RERE: variants seen among roughly 807,000 people sequenced by gnomAD.
RERE encodes the protein arginine-glutamic acid dipeptide repeats protein.
In RERE, 40 loss-of-function variants were observed where a neutral mutation model predicts 146.1. The observed-to-expected ratio is 0.27, with a 90% CI of 0.21 to 0.36. The LOEUF is 0.36. Ranked by LOEUF, RERE falls within the 10% of genes least tolerant of loss-of-function variation. The pLI, the probability that RERE is intolerant of heterozygous loss-of-function variation, is 1.00. For synonymous variants in RERE, 1,003 were observed against 866.0 expected (o/e 1.16, Z -2.78); for missense variants, 1,933 against 2,138.7 (o/e 0.90, Z 1.90).
At chr1:8,704,674 T>C (rs1225753037) in intron 1 of RERE, among the ~76,000 whole-genome samples, 1 of 152,234 alleles carries the variant, frequency 6.6e-6, no homozygotes, top group East Asian at 1.9e-4. Context: ...CAAACAGACA[T>C]GCACATGCAT....
intron 10 of RERE, among the ~76,000 whole-genome samples, chr1:8,482,275 C>T (rs1357638823): frequency 6.6e-6 from 1 of 152,154 alleles, no homozygotes; most frequent in Non-Finnish European, 1.5e-5. Context: ...AATGCTCTCT[C>T]TCATGTTTAG....
At chr1:8,478,284 G>T (rs1337098371) in intron 10 of RERE, among the ~76,000 whole-genome samples, 1 of 152,142 alleles carries the variant, frequency 6.6e-6, no homozygotes, top group Non-Finnish European at 1.5e-5. Context: ...ATCACTCAGA[G>T]GCATCGAGTA....
intron 11 of RERE, among the ~76,000 whole-genome samples, chr1:8,433,872 A>G (rs1344329435): frequency 6.6e-6 from 1 of 152,178 alleles, no homozygotes; most frequent in Non-Finnish European, 1.5e-5. Context: ...ATTCATTTCT[A>G]AAAGAAGTCC....
chr1:8,739,481 A>G (rs1640265142), intron 1 of RERE, among the ~76,000 whole-genome samples: 1 of 152,190 alleles, frequency 6.6e-6, no homozygotes, highest in Non-Finnish European at 1.5e-5. Flanking sequence ...AAGAAACACC[A>G]TGTGCCACAC....
intron 1 of RERE, among the ~76,000 whole-genome samples, chr1:8,683,718 G>A (rs1027732393): frequency 2.0e-5 from 3 of 152,134 alleles, no homozygotes; most frequent in South Asian, 2.1e-4. Context: ...CAAGGCGGGC[G>A]GATCACCTGA....
In RERE at chr1:8,353,032, T is replaced by A. The variant is rs774956905; in HGVS notation, c.*2055A>T. 1.3e-5 allele frequency: 2 copies of A among 152,428 alleles called. No individual in the cohort carries two copies. Among genetic ancestry groups the A allele is most frequent in the Non-Finnish European group, 2.9e-5 (2 of 68,060 alleles). The allele number at this position is 152,428 out of a possible 1,614,324, so 9.4% of individuals were successfully genotyped here. The stretch of plus-strand genomic sequence containing the variant: ...AGGTGGGGGCCTGGATGCAGGAGTC[T>A]GGGAGCCCAGCAGGAAGAGGCCTCG... On this transcript the variant is annotated 3_prime_UTR_variant, in exon 23 of 23. Coordinates refer to ENST00000400908, the MANE Select transcript of RERE (RefSeq NM_001042681.2).
At position 8,486,680 on chromosome 1, in the gene RERE, A is replaced by T. The variant is rs574153199; in HGVS notation, c.1104+8383T>A. On this transcript the variant is annotated intron_variant, in intron 10 of 22. Coordinates refer to ENST00000400908, the MANE Select transcript of RERE (RefSeq NM_001042681.2). ...AATAATAAAACCAAACTCTAAAGAG[A>T]TCAATAATGTTGAAACGTCTTTATA... Among the ~76,000 whole-genome samples the T allele has an allele frequency of 3.3e-5, 5 of 151,586 alleles. No homozygotes were observed. In the East Asian group the frequency reaches 5.8e-4, roughly 18 times the overall value.
At chr1:8,501,444 C>T (rs1422669594) in intron 8 of RERE, among the ~76,000 whole-genome samples, 12 of 66,702 alleles carry the variant, frequency 1.8e-4, no homozygotes, top group Admixed American at 5.4e-4. Context: ...CTCTGCCCGG[C>T]CGCCCCTACT....
At chr1:8,445,667 T>A (rs1644307459) in intron 11 of RERE, among the ~76,000 whole-genome samples, 1 of 151,326 alleles carries the variant, frequency 6.6e-6, no homozygotes, top group Non-Finnish European at 1.5e-5. Flanking sequence ...AGCAACCACC[T>A]GCGGCAGGAA....
intron 11 of RERE, among the ~76,000 whole-genome samples, chr1:8,440,387 C>T (rs1040472720): frequency 6.9e-6 from 1 of 145,734 alleles, no homozygotes; most frequent in East Asian, 2.1e-4. Context: ...GTTAGGAGAT[C>T]GAGACCATCC....
chr1:8,555,967 C>T (rs1646002283), intron 6 of RERE, among the ~76,000 whole-genome samples: 1 of 152,176 alleles, frequency 6.6e-6, no homozygotes, highest in Admixed American at 6.5e-5. Flanking sequence ...ATGAAAATCT[C>T]TATAAATTTT....
chr1:8,501,779 C>T (rs1645163015), intron 8 of RERE, among the ~76,000 whole-genome samples: 1 of 124,628 alleles, frequency 8.0e-6, no homozygotes, highest in Admixed American at 7.5e-5. Context: ...AGCCCCCCGC[C>T]TGGCCAGCCG....
chr1:8,624,582 A>G (rs1646952350), intron 2 of RERE, among the ~76,000 whole-genome samples: 1 of 152,190 alleles, frequency 6.6e-6, no homozygotes, highest in South Asian at 2.1e-4. Flanking sequence ...TATTTTTCTA[A>G]TAATTTAAAG....
At chr1:8,595,895 A>C (rs1646550418) in intron 4 of RERE, among the ~76,000 whole-genome samples, 1 of 152,216 alleles carries the variant, frequency 6.6e-6, no homozygotes, top group Admixed American at 6.5e-5. Flanking sequence ...CACAGGCACA[A>C]GGCTACAATG....
At chr1:8,550,950 T>C (rs544107148) in intron 6 of RERE, among the ~76,000 whole-genome samples, 2 of 152,340 alleles carry the variant, frequency 1.3e-5, no homozygotes, top group South Asian at 4.1e-4. Flanking sequence ...TAGTTGCTCA[T>C]AACAAAGTAG....
intron 1 of RERE, among the ~76,000 whole-genome samples, chr1:8,729,292 C>T (rs1257498574): frequency 6.9e-6 from 1 of 145,528 alleles, no homozygotes; most frequent in Non-Finnish European, 1.5e-5. Flanking sequence ...GGCACAATCT[C>T]AGCTCACCAC....
At position 8,360,317 on chromosome 1, in the gene RERE, T is replaced by C. The variant is rs755108074; in HGVS notation, c.3190A>G (p.Thr1064Ala). 8 of 1,528,606 alleles carry C rather than the reference T, an allele frequency of 5.2e-6. No homozygotes were observed. The South Asian group carries it at 7.3e-5, about 14-fold the overall frequency. 94.7% of individuals were successfully genotyped at this position (1,528,606 alleles called of 1,614,324 possible). A position where few individuals can be genotyped will look rare whatever the true frequency, so the allele number is the denominator to read the frequency against. Residue 1064 changes from threonine to alanine, a missense_variant, in exon 18 of 23, where the codon ACC becomes GCC. This residue lies in a region of RERE where 1,255 missense variants were observed against 1,153.8 expected (regional missense o/e 1.09). Transcript: ENST00000400908. ...CCAGAGCAGGGTGGCTGGGCCGAGG[T>C]GCCAGGTCCCGCCGGTGGGGTAGAG... ...STSTPPAGPG[T>A]SAQPPCSGAA...
chr1:8,401,017 C>CAAA (rs142269202), intron 12 of RERE, among the ~76,000 whole-genome samples: 15 of 65,138 alleles, frequency 2.3e-4, no homozygotes, highest in Non-Finnish European at 3.8e-4. Context: ...GACTCTGTCT[C>CAAA]AAAAAAAAAA....
chr1:8,769,726 C>T (rs529726993), intron 1 of RERE, among the ~76,000 whole-genome samples: 1 of 152,290 alleles, frequency 6.6e-6, no homozygotes, highest in South Asian at 2.1e-4. Context: ...ATACTCCTGC[C>T]TCAGCCTCCC....
Sources: gnomAD v4.1 joint callset for allele counts (sites outside exome capture counted in the v4.1 genomes callset) on GRCh38, gnomAD v4.1.1 for gene constraint, gnomAD v4.1.1 regional missense constraint, MANE v1.5 for transcripts, NCBI Gene and HGNC (gene_info 2026-07-23, HGNC 2026-07-21) for gene names.